Variants in EXOC6B observed in about 807,000 individuals in gnomAD.
EXOC6B encodes the protein SEC15 homolog B.
In EXOC6B, 54 loss-of-function variants were observed where a neutral mutation model predicts 113.5. The observed-to-expected ratio is 0.48, with a 90% CI of 0.38 to 0.60. The LOEUF is 0.60. Among genes scored for constraint, EXOC6B ranks in the 20% least tolerant of loss-of-function variants. The probability of loss-of-function intolerance (pLI) is 0.00; values close to 1 mark genes in which losing one functional copy is unlikely to be tolerated. For missense variants in EXOC6B, 797 were observed against 977.5 expected, an observed-to-expected ratio of 0.82 and a Z score of 2.46; for synonymous variants, 357 against 339.0, an observed-to-expected ratio of 1.05 and a Z score of -0.58.
At chr2:72,774,353 ATAC>A (rs1033581275) in intron 1 of EXOC6B, among the ~76,000 whole-genome samples, 8 of 152,326 alleles carry the variant, frequency 5.3e-5, no homozygotes, top group Admixed American at 4.6e-4. Context: ...ATAATAAATA[ATAC>A]TACATTATCA....
intron 20 of EXOC6B, among the ~76,000 whole-genome samples, chr2:72,236,918 C>T (rs1208964122): frequency 2.0e-5 from 3 of 152,136 alleles, no homozygotes; most frequent in African/African-American, 7.2e-5. Flanking sequence ...TATTTAAACA[C>T]AGCAGAGTAG....
At chr2:72,736,332 C>A (rs1334386737) in intron 2 of EXOC6B, among the ~76,000 whole-genome samples, 1 of 152,092 alleles carries the variant, frequency 6.6e-6, no homozygotes, top group East Asian at 1.9e-4. Context: ...AGTACGATTT[C>A]TTTTCATTGG....
At chr2:72,568,536 T>A (rs1306073429) in intron 7 of EXOC6B, among the ~76,000 whole-genome samples, 1 of 151,688 alleles carries the variant, frequency 6.6e-6, no homozygotes, top group South Asian at 2.1e-4. Flanking sequence ...AACATACACA[T>A]ACACACACAC....
intron 1 of EXOC6B, among the ~76,000 whole-genome samples, chr2:72,747,530 T>G (rs2104839128): frequency 6.6e-6 from 1 of 152,152 alleles, no homozygotes; most frequent in East Asian, 1.9e-4. Context: ...CAGCCCTATC[T>G]CCAAACATCA....
chr2:72,335,542 A>G (rs947530799), intron 19 of EXOC6B, among the ~76,000 whole-genome samples: 5 of 133,188 alleles, frequency 3.8e-5, no homozygotes, highest in African/African-American at 1.4e-4. Context: ...TCATGACTGC[A>G]TTATTGCACA....
rs764900952 is a variant in EXOC6B at position 72,184,110 on chromosome 2, C to T, written c.2274G>A (p.Arg758=). The T allele has an allele frequency of 6.4e-7, 1 of 1,565,882 alleles. No homozygotes were observed. The highest frequency in any genetic ancestry group is 8.7e-7 in the Non-Finnish European group (1 of 1,154,488). The stretch of plus-strand genomic sequence containing the variant: ...GGGTCAGAGCAGTCACTGGGTTTAC[C>T]CGGAGGTACTTGCAGTTGGGCTGAC... ...DYGQPNCKYL[R]VNPVTALTLL... is the part of the protein sequence containing the mutation. The change falls in exon 21 of 22, where the codon CGG becomes CGA. Residue 758 remains arginine (R), a synonymous_variant. Coordinates refer to ENST00000272427, the MANE Select transcript of EXOC6B (RefSeq NM_015189.3).
intron 8 of EXOC6B, among the ~76,000 whole-genome samples, chr2:72,543,051 A>C (rs766217071): frequency 3.5e-4 from 53 of 152,170 alleles, no homozygotes; most frequent in Non-Finnish European, 6.8e-4. Context: ...TGGAAGAGTC[A>C]CCAAAAGGAA....
intron 19 of EXOC6B, among the ~76,000 whole-genome samples, chr2:72,359,587 AT>A (rs981761873): frequency 2.9e-4 from 44 of 152,378 alleles, no homozygotes; most frequent in African/African-American, 1.0e-3. Context: ...GCAAATAAAC[AT>A]ACTCTAATTA....
intron 20 of EXOC6B, among the ~76,000 whole-genome samples, chr2:72,233,245 G>T (rs1240806628): frequency 6.6e-6 from 1 of 152,106 alleles, no homozygotes; most frequent in Non-Finnish European, 1.5e-5. Context: ...AGGCCAAGGT[G>T]GTGGACTAGA....
At chr2:72,753,297 C>T (rs972770543) in intron 1 of EXOC6B, among the ~76,000 whole-genome samples, 1 of 151,836 alleles carries the variant, frequency 6.6e-6, no homozygotes, top group East Asian at 1.9e-4. Flanking sequence ...ACATTTCACT[C>T]CTAGTATTCA....
intron 18 of EXOC6B, among the ~76,000 whole-genome samples, chr2:72,433,678 G>A (rs573707849): frequency 4.7e-4 from 71 of 152,250 alleles, no homozygotes; most frequent in African/African-American, 1.6e-3. Flanking sequence ...ATTGTGAATC[G>A]GAGCTCACTC....
intron 20 of EXOC6B, among the ~76,000 whole-genome samples, chr2:72,291,008 C>T (rs1278099109): frequency 6.6e-6 from 1 of 152,040 alleles, no homozygotes; most frequent in Non-Finnish European, 1.5e-5. Flanking sequence ...TAAAGAATGA[C>T]ATTATCTTTT....
At chr2:72,376,675 T>C (rs545128175) in intron 19 of EXOC6B, among the ~76,000 whole-genome samples, 16 of 152,290 alleles carry the variant, frequency 1.1e-4, no homozygotes, top group African/African-American at 2.6e-4. Flanking sequence ...TTACTGACTA[T>C]ATTAAATTAT....
chr2:72,539,234 T>C (rs1382655231), intron 8 of EXOC6B, among the ~76,000 whole-genome samples: 2 of 152,178 alleles, frequency 1.3e-5, no homozygotes, highest in Non-Finnish European at 2.9e-5. Context: ...TCTAACATAC[T>C]TCTTCTGCCC....
At chr2:72,219,134 G>A (rs1488099460) in intron 20 of EXOC6B, among the ~76,000 whole-genome samples, 1 of 152,104 alleles carries the variant, frequency 6.6e-6, no homozygotes, top group Non-Finnish European at 1.5e-5. Flanking sequence ...GGATTGGTCT[G>A]GGATTCCTAA....
rs781001519 is a variant in EXOC6B, at chr2:72,825,184, T to A, written c.113+614A>T. On this transcript the variant is annotated intron_variant, in intron 1 of 21. Transcript: ENST00000272427. This position sits in a 1 kb window ranked among gnomAD's most constrained non-coding sequence, Gnocchi z 4.4. Reference sequence around the variant, plus strand: ...TGATAACTGGGGGGCGGCAGCAGGGTCAGTTTTCCCCAGCGATGAGGAGGC... The same window carrying A: ...TGATAACTGGGGGGCGGCAGCAGGGACAGTTTTCCCCAGCGATGAGGAGGC... Among the ~76,000 whole-genome samples, 19 of 151,016 alleles carry A rather than the reference T, an allele frequency of 1.3e-4. No individual in the cohort carries two copies. The highest frequency in any genetic ancestry group is 2.1e-4 in the Non-Finnish European group (14 of 67,854).
chr2:72,760,913 C>G (rs1178684945), intron 1 of EXOC6B, among the ~76,000 whole-genome samples: 1 of 152,180 alleles, frequency 6.6e-6, no homozygotes, highest in African/African-American at 2.4e-5. Context: ...GGCAGGGGGG[C>G]TCATGCCTGT....
At chr2:72,639,137 A>G (rs1673054261) in intron 6 of EXOC6B, among the ~76,000 whole-genome samples, 1 of 152,130 alleles carries the variant, frequency 6.6e-6, no homozygotes. Flanking sequence ...TGGTGTCTGC[A>G]CAGGCGGGTT....
intron 19 of EXOC6B, among the ~76,000 whole-genome samples, chr2:72,375,140 A>G (rs2105044137): frequency 6.6e-6 from 1 of 152,256 alleles, no homozygotes; most frequent in Non-Finnish European, 1.5e-5. Context: ...TCTAAGTAGT[A>G]TGCACCCAAT....
Sources: allele counts gnomAD v4.1 joint callset (sites outside exome capture counted in the v4.1 genomes callset), GRCh38; gene constraint gnomAD v4.1.1; non-coding constraint Gnocchi (gnomAD v3.1); transcripts MANE v1.5; gene names NCBI Gene and HGNC (gene_info 2026-07-23, HGNC 2026-07-21).